PCLO: variants seen among roughly 807,000 people sequenced by gnomAD.
PCLO encodes piccolo presynaptic cytomatrix protein, also known as protein piccolo.
PCLO carries 82 observed loss-of-function variants against 427.5 expected under a neutral mutation model. The ratio of observed to expected loss-of-function variants is 0.19; its 90% CI spans 0.16 to 0.23. The LOEUF (loss-of-function observed/expected upper bound fraction) is 0.23. Ranked by LOEUF, PCLO falls within the 10% of genes least tolerant of loss-of-function variation. PCLO has a pLI of 1.00. For synonymous variants in PCLO, 2,357 were observed against 2,155.4 expected (o/e 1.09, Z -2.59); for missense variants, 6,239 against 6,115.9 (o/e 1.02, Z -0.67).
intron 3 of PCLO, among the ~76,000 whole-genome samples, chr7:83,099,332 C>A (rs1384355516): frequency 6.8e-6 from 1 of 146,730 alleles, no homozygotes. Flanking sequence ...AAAATGGAGA[C>A]AAAAAAGATT....
At chr7:83,139,735 C>T (rs1791817709) in intron 2 of PCLO, among the ~76,000 whole-genome samples, 2 of 152,106 alleles carry the variant, frequency 1.3e-5, no homozygotes, top group South Asian at 4.1e-4. Flanking sequence ...TGATAAACAA[C>T]ACAGAAAGAT....
At chr7:82,769,947 AT>A (rs1790614300) in intron 22 of PCLO, among the ~76,000 whole-genome samples, 1 of 152,142 alleles carries the variant, frequency 6.6e-6, no homozygotes, top group Non-Finnish European at 1.5e-5. Context: ...CAGGCAAGTC[AT>A]TAAATCTTCT....
chr7:83,029,212 G>T (rs924272780), intron 3 of PCLO, among the ~76,000 whole-genome samples: 19 of 145,990 alleles, frequency 1.3e-4, no homozygotes, highest in African/African-American at 2.0e-4. Context: ...TTACTCATCT[G>T]ACAAAGGGCT....
chr7:82,895,251 A>T (rs1275392136), intron 9 of PCLO, among the ~76,000 whole-genome samples: 1 of 152,016 alleles, frequency 6.6e-6, no homozygotes, highest in Non-Finnish European at 1.5e-5. Context: ...TAAGAGAAAA[A>T]ATTACAAGGG....
chr7:82,875,516 T>G (rs1363905897), intron 10 of PCLO, among the ~76,000 whole-genome samples: 1 of 152,088 alleles, frequency 6.6e-6, no homozygotes, highest in Non-Finnish European at 1.5e-5. Flanking sequence ...GAATAGTACT[T>G]GGCTTATGAA....
At chr7:83,000,012 C>CT (rs1215615768) in intron 3 of PCLO, among the ~76,000 whole-genome samples, 2 of 143,338 alleles carry the variant, frequency 1.4e-5, no homozygotes, top group Non-Finnish European at 3.0e-5. Context: ...CCAGGAAACT[C>CT]TGAGAACACC....
chr7:83,113,392 T>C (rs546994026), intron 3 of PCLO, among the ~76,000 whole-genome samples: 25 of 152,190 alleles, frequency 1.6e-4, no homozygotes, highest in Non-Finnish European at 3.5e-4. Context: ...GCCTTAGCTG[T>C]AGATGTATTC....
At chr7:82,825,029 T>A (rs186714515) in intron 18 of PCLO, among the ~76,000 whole-genome samples, 47 of 152,250 alleles carry the variant, frequency 3.1e-4, no homozygotes, top group South Asian at 2.1e-3. Context: ...TTGAAAAATG[T>A]TTGATTTTAG....
intron 3 of PCLO, among the ~76,000 whole-genome samples, chr7:83,124,824 G>C (rs973830405): frequency 2.0e-4 from 30 of 152,084 alleles, no homozygotes; most frequent in African/African-American, 7.0e-4. Flanking sequence ...GGACTGTACT[G>C]CTGCGATCTC....
chr7:83,074,810 G>A (rs1789910172), intron 3 of PCLO, among the ~76,000 whole-genome samples: 1 of 152,132 alleles, frequency 6.6e-6, no homozygotes, highest in African/African-American at 2.4e-5. Flanking sequence ...TTCACACTCT[G>A]GCCTTTGCCA....
chr7:82,847,116 C>A, intron 11 of PCLO, 23 bp downstream of exon 11: 1 of 1,367,102 alleles, frequency 7.3e-7, no homozygotes, highest in Non-Finnish European at 1.0e-6. Context: ...AAAATGGAAA[C>A]AGAAAGATGG....
At chr7:82,935,715 G>A (rs566240578) in intron 6 of PCLO, among the ~76,000 whole-genome samples, 5 of 151,620 alleles carry the variant, frequency 3.3e-5, no homozygotes, top group African/African-American at 4.8e-5. Context: ...ATACGATCAC[G>A]GCGTGAAACT....
chr7:83,067,147 T>C (rs1016239457), intron 3 of PCLO, among the ~76,000 whole-genome samples: 1 of 152,218 alleles, frequency 6.6e-6, no homozygotes, highest in Non-Finnish European at 1.5e-5. Context: ...ATTATGTATA[T>C]GCAGATATTC....
chr7:83,137,163 C>A (rs189216604), intron 2 of PCLO, among the ~76,000 whole-genome samples: 2 of 152,142 alleles, frequency 1.3e-5, no homozygotes, highest in African/African-American at 4.8e-5. Context: ...AGTACATTTT[C>A]TATTTTCAAA....
chr7:83,044,523 C>A (rs932117527), intron 3 of PCLO, among the ~76,000 whole-genome samples: 5 of 152,052 alleles, frequency 3.3e-5, no homozygotes, highest in Non-Finnish European at 7.4e-5. Flanking sequence ...ATAAATGTGT[C>A]TTTTACCATC....
At position 83,018,003 on chromosome 7, in the gene PCLO, C is replaced by G. The variant is rs572536266; in HGVS notation, c.3301-51516G>C. The G allele has an allele frequency of 1.5e-4, 23 of 152,006 alleles. No homozygotes were observed. In the South Asian group the frequency reaches 4.6e-3, roughly 30 times the overall value. The allele number at this position is 152,006 out of a possible 1,614,324, so 9.4% of individuals were successfully genotyped here. ...AGAAATTACCTAGGACTGCTGGGTG[C>G]TGTAGGCTTGAAACAAACAAACAAA... On this transcript the variant is annotated intron_variant, in intron 3 of 24. Transcript: ENST00000333891.
chr7:83,017,319 A>G (rs943381777), intron 3 of PCLO, among the ~76,000 whole-genome samples: 1 of 152,118 alleles, frequency 6.6e-6, no homozygotes. Flanking sequence ...CAGCATAAAC[A>G]TTAAAGAATT....
intron 20 of PCLO, among the ~76,000 whole-genome samples, chr7:82,814,057 A>C (rs1214025372): frequency 6.6e-6 from 1 of 151,798 alleles, no homozygotes; most frequent in African/African-American, 2.4e-5. Context: ...AGAACAAAAA[A>C]TTTTATTCTA....
intron 3 of PCLO, among the ~76,000 whole-genome samples, chr7:82,978,845 C>CACACACAA (rs1297345256): frequency 9.0e-6 from 1 of 111,722 alleles, no homozygotes; most frequent in African/African-American, 3.7e-5. Flanking sequence ...AACACACACA[C>CACACACAA]ACACACACAC....
Sources: gnomAD v4.1 joint callset for allele counts (sites outside exome capture counted in the v4.1 genomes callset) on GRCh38, gnomAD v4.1.1 for gene constraint, MANE v1.5 for transcripts, NCBI Gene and HGNC (gene_info 2026-07-23, HGNC 2026-07-21) for gene names.